TTYH2: variants seen among roughly 807,000 people sequenced by gnomAD.
TTYH2 encodes the protein tweety family member 2, also known as protein tweety homolog 2.
In TTYH2, 49 loss-of-function variants were observed where a neutral mutation model predicts 68.3. That is an observed-to-expected ratio of 0.72 (90% CI 0.57 to 0.91). The LOEUF (loss-of-function observed/expected upper bound fraction) is 0.91. TTYH2 is among the 40% of genes least tolerant of loss of function. The pLI, the probability that TTYH2 is intolerant of heterozygous loss-of-function variation, is 0.00. For missense variants in TTYH2, 631 were observed against 700.4 expected, an observed-to-expected ratio of 0.90 and a Z score of 1.12; for synonymous variants, 272 against 300.8, an observed-to-expected ratio of 0.90 and a Z score of 0.99.
chr17:74,223,059 T>TG (rs1414368506), intron 2 of TTYH2, among the ~76,000 whole-genome samples: 3,407 of 152,232 alleles, frequency 0.022, 121 homozygotes, highest in African/African-American at 0.078. Context: ...ATCAATAGCT[T>TG]TTAGTGCCGT....
chr17:74,220,130 G>T (rs1372756976), intron 1 of TTYH2, among the ~76,000 whole-genome samples: 1 of 152,050 alleles, frequency 6.6e-6, no homozygotes, highest in Non-Finnish European at 1.5e-5. Context: ...GCAAGTGCAT[G>T]CCACCAGGCC....
At chr17:74,219,649 A>G (rs571107581) in intron 1 of TTYH2, among the ~76,000 whole-genome samples, 4 of 152,256 alleles carry the variant, frequency 2.6e-5, no homozygotes, top group African/African-American at 7.2e-5. Context: ...TGAACTTCAT[A>G]TAAATTAATC....
rs2050213686 is a variant in TTYH2 at position 74,215,485 on chromosome 17, T to A, written c.129+1769T>A. The A allele has an allele frequency of 2.8e-6, 2 of 725,858 alleles. No individual in the cohort carries two copies. The highest frequency in any genetic ancestry group is 4.5e-6 in the Non-Finnish European group (2 of 447,072). 45.0% of individuals were successfully genotyped at this position (725,858 alleles called of 1,614,324 possible). A position where few individuals can be genotyped will look rare whatever the true frequency, so the allele number is the denominator to read the frequency against. On this transcript the variant is annotated intron_variant, in intron 1 of 13. Transcript: ENST00000269346. The surrounding 1 kb of genome is among the most constrained non-coding windows in gnomAD (Gnocchi z 4.3). ...ACCTACCTCCAGCCTCTGCCCCTCC[T>A]CCCAGGATTCTGGCCCCGGCTCACT...
At chr17:74,242,661 G>A (rs1212616441) in intron 4 of TTYH2, among the ~76,000 whole-genome samples, 1 of 152,214 alleles carries the variant, frequency 6.6e-6, no homozygotes, top group Non-Finnish European at 1.5e-5. Flanking sequence ...CCAAAGTGCT[G>A]GGATTACAGG....
intron 2 of TTYH2, among the ~76,000 whole-genome samples, chr17:74,223,703 C>T (rs944768598): frequency 3.9e-5 from 6 of 152,172 alleles, no homozygotes; most frequent in African/African-American, 7.2e-5. Flanking sequence ...CTAGTGTCCA[C>T]GCAGAGACGC....
intron 1 of TTYH2, among the ~76,000 whole-genome samples, chr17:74,221,647 G>A (rs561066805): frequency 6.6e-6 from 1 of 152,312 alleles, no homozygotes; most frequent in South Asian, 2.1e-4. Flanking sequence ...ATCAAGAGAT[G>A]AATGAGCAGA....
intron 10 of TTYH2, among the ~76,000 whole-genome samples, chr17:74,251,354 G>C (rs2050626381): frequency 1.9e-5 from 1 of 53,396 alleles, no homozygotes; most frequent in Non-Finnish European, 4.0e-5. Flanking sequence ...TGTGGTGCAT[G>C]TGTGTGTGCA....
chr17:74,247,181 C>CAAAAA (rs71157049), intron 6 of TTYH2, among the ~76,000 whole-genome samples: 48 of 77,220 alleles, frequency 6.2e-4, no homozygotes, highest in Middle Eastern at 7.7e-3. Context: ...GACTCTGTCT[C>CAAAAA]AAAAAAAAAA....
rs1453424215 is a variant in TTYH2 at position 74,217,255 on chromosome 17, C to T, written c.129+3539C>T. ...ACATGTGTGCTTCCTGTTCCAGCTT[C>T]CCTTGCCCAGGATCAGCCGACCAGC... On this transcript the variant is annotated intron_variant, in intron 1 of 13. Transcript: ENST00000269346. This position sits in a 1 kb window ranked among gnomAD's most constrained non-coding sequence, Gnocchi z 4.0. Among the ~76,000 whole-genome samples the T allele has an allele frequency of 1.3e-5, 2 of 152,238 alleles. No individual in the cohort carries two copies. The highest frequency in any genetic ancestry group is 2.9e-5 in the Non-Finnish European group (2 of 68,042).
rs1417787019 is a variant in TTYH2, at chr17:74,214,618, C to T, written c.129+902C>T. Among the ~76,000 whole-genome samples the T allele has an allele frequency of 2.0e-5, 3 of 152,226 alleles. No individual in the cohort carries two copies. The highest frequency in any genetic ancestry group is 4.4e-5 in the Non-Finnish European group (3 of 68,044). ...CCCCAGACCTCCCTGCCCAGACAAA[C>T]AAAGCTGCAGAATCTCCCAGCCCGT... On this transcript the variant is annotated intron_variant, in intron 1 of 13. Transcript: ENST00000269346. The surrounding 1 kb of genome is among the most constrained non-coding windows in gnomAD (Gnocchi z 4.6).
rs1480500768 is a variant in TTYH2, at chr17:74,252,263, C to T, written c.1146C>T (p.Cys382=). The T allele has an allele frequency of 1.2e-6, 2 of 1,613,382 alleles. No individual in the cohort carries two copies. Among genetic ancestry groups the T allele is most frequent in the African/African-American group, 2.7e-5 (2 of 74,950 alleles). ...ATCTGGACGCTCTTGCTGGCATCTGCTACGACGGCCTCCAGGGCTTGCTGT... is the reference window on the plus strand; with the variant it reads ...ATCTGGACGCTCTTGCTGGCATCTGTTACGACGGCCTCCAGGGCTTGCTGT... ...KDYLDALAGI[C]YDGLQGLLYL... Residue 382 remains cysteine, a synonymous_variant, in exon 11 of 14, where the codon TGC becomes TGT. Coordinates refer to ENST00000269346, the MANE Select transcript of TTYH2 (RefSeq NM_032646.6).
rs934219099 is a variant in TTYH2, at chr17:74,215,149, G to A, written c.129+1433G>A. Among the ~76,000 whole-genome samples the A allele has an allele frequency of 2.0e-5, 3 of 150,218 alleles. No individual in the cohort carries two copies. Among genetic ancestry groups the A allele is most frequent in the South Asian group, 4.2e-4 (2 of 4,778 alleles). ...TCCCAGAGAATGCATGAAAAGAGGCGGATATGATTTCAGAAACAGCCGTGT... is the reference window on the plus strand; with the variant it reads ...TCCCAGAGAATGCATGAAAAGAGGCAGATATGATTTCAGAAACAGCCGTGT... On this transcript the variant is annotated intron_variant, in intron 1 of 13. Transcript: ENST00000269346. The surrounding 1 kb of genome is among the most constrained non-coding windows in gnomAD (Gnocchi z 4.3).
At chr17:74,250,098 C>T (rs902640298) in intron 9 of TTYH2, 70 bp downstream of exon 9, 2 of 1,565,560 alleles carry the variant, frequency 1.3e-6, no homozygotes, top group Non-Finnish European at 1.8e-6. Flanking sequence ...GCCCCGGCCC[C>T]AGGGCCAGGC....
intron 4 of TTYH2, among the ~76,000 whole-genome samples, chr17:74,238,867 C>T (rs1244651384): frequency 7.6e-6 from 1 of 131,194 alleles, no homozygotes; most frequent in East Asian, 2.2e-4. Context: ...AACTCCATCT[C>T]AAAAAAAAAA....
chr17:74,220,663 C>T (rs1004403173), intron 1 of TTYH2, among the ~76,000 whole-genome samples: 2 of 152,148 alleles, frequency 1.3e-5, no homozygotes, highest in South Asian at 2.1e-4. Flanking sequence ...GGGTCAGTCC[C>T]GGGGACAGGC....
chr17:74,244,458 G>A (rs1258334224), intron 6 of TTYH2, among the ~76,000 whole-genome samples: 1 of 152,240 alleles, frequency 6.6e-6, no homozygotes, highest in Non-Finnish European at 1.5e-5. Flanking sequence ...CGCATCAGAA[G>A]CTGCTGCTTT....
At position 74,213,700 on chromosome 17, in the gene TTYH2, AC is replaced by A. The variant is rs2050193760; in HGVS notation, c.114del (p.Asp38GlufsTer21). On this transcript the variant is annotated frameshift_variant, in exon 1 of 14. Coordinates refer to ENST00000269346, the MANE Select transcript of TTYH2 (RefSeq NM_032646.6). LOFTEE classifies it high-confidence loss of function. This position sits in a 1 kb window ranked among gnomAD's most constrained non-coding sequence, Gnocchi z 6.1. ...GTGAACAGCACCTTCAGCCCCGGCG[AC>A]GAGAGTTACCAGGAGGTAAGTTTAC... Reference protein sequence around the residue: ...QPVNSTFSPGDESYQESLLFL... With the variant: ...QPVNSTFSPGXESYQESLLFL... 1 of 1,611,352 alleles carries A rather than the reference AC, an allele frequency of 6.2e-7. No individual in the cohort carries two copies. Among genetic ancestry groups the A allele is most frequent in the African/African-American group, 1.3e-5 (1 of 74,698 alleles).
chr17:74,228,742 C>A (rs991190819), intron 2 of TTYH2, among the ~76,000 whole-genome samples: 4 of 152,118 alleles, frequency 2.6e-5, no homozygotes, highest in African/African-American at 7.2e-5. Context: ...CAGGTCAGTG[C>A]CCTGGGAAGT....
At chr17:74,237,209 C>A in intron 3 of TTYH2, 85 bp from the exon 4 acceptor site, 1 of 1,377,568 alleles carries the variant, frequency 7.3e-7, no homozygotes. Flanking sequence ...CTGGCCAGGC[C>A]ACCTTCTGCT....
Sources: allele counts gnomAD v4.1 joint callset (sites outside exome capture counted in the v4.1 genomes callset), GRCh38; gene constraint gnomAD v4.1.1; non-coding constraint Gnocchi (gnomAD v3.1); transcripts MANE v1.5; gene names NCBI Gene and HGNC (gene_info 2026-07-23, HGNC 2026-07-21).